Variants in CDKN2B-AS1 observed in about 807,000 individuals in gnomAD.
The protein encoded by CDKN2B-AS1 is CDKN2B antisense RNA 1 (non-protein coding).
intron 4 of CDKN2B-AS1, among the ~76,000 whole-genome samples, chr9:22,124,439 C>G (rs938199624): frequency 1.3e-5 from 2 of 152,154 alleles, no homozygotes; most frequent in Admixed American, 6.5e-5. Flanking sequence ...TGAGGCCAGA[C>G]AGGGCTGTGG....
At chr9:22,047,444 G>C (rs1162245387) in intron 2 of CDKN2B-AS1, among the ~76,000 whole-genome samples, 2 of 152,186 alleles carry the variant, frequency 1.3e-5, no homozygotes, top group African/African-American at 4.8e-5. Flanking sequence ...TTCACTACTA[G>C]TGGTAACTCC....
exon 5 of CDKN2B-AS1, among the ~76,000 whole-genome samples, chr9:22,127,234 A>C (rs1295827850): frequency 6.6e-6 from 1 of 152,122 alleles, no homozygotes; most frequent in Non-Finnish European, 1.5e-5. Flanking sequence ...GGCACCTGCC[A>C]CCACGCCCAG....
intron 1 of CDKN2B-AS1, among the ~76,000 whole-genome samples, chr9:22,035,673 G>A (rs1822658911): frequency 6.6e-6 from 1 of 152,252 alleles, no homozygotes; most frequent in East Asian, 1.9e-4. Flanking sequence ...TTTGTGAAAG[G>A]TCACTGGCTG....
At chr9:22,106,636 C>T (rs1825668203) in intron 4 of CDKN2B-AS1, among the ~76,000 whole-genome samples, 1 of 152,110 alleles carries the variant, frequency 6.6e-6, no homozygotes, top group African/African-American at 2.4e-5. Context: ...AAGGGACTGG[C>T]ACAAAGTAGG....
chr9:22,059,999 T>C (rs957113287), intron 4 of CDKN2B-AS1, among the ~76,000 whole-genome samples: 3 of 152,162 alleles, frequency 2.0e-5, no homozygotes, highest in African/African-American at 7.2e-5. Context: ...GTCCAGTCCA[T>C]GAAACCACTT....
chr9:22,014,165 T>C (rs1821637663), intron 1 of CDKN2B-AS1, among the ~76,000 whole-genome samples: 1 of 152,158 alleles, frequency 6.6e-6, no homozygotes, highest in African/African-American at 2.4e-5. Context: ...ATTATTTATT[T>C]ATTTATTTAT....
chr9:22,043,192 A>G (rs994192496), intron 1 of CDKN2B-AS1, among the ~76,000 whole-genome samples: 2 of 152,012 alleles, frequency 1.3e-5, no homozygotes, highest in South Asian at 4.1e-4. Context: ...AGATTTTTCC[A>G]ATGTTGTGAA....
intron 4 of CDKN2B-AS1, among the ~76,000 whole-genome samples, chr9:22,122,779 T>C (rs1435976562): frequency 1.3e-5 from 2 of 152,204 alleles, no homozygotes; most frequent in Admixed American, 1.3e-4. Flanking sequence ...ACCAGTACCA[T>C]GCTATTTTGT....
intron 4 of CDKN2B-AS1, among the ~76,000 whole-genome samples, chr9:22,102,383 C>G (rs890089575): frequency 2.0e-5 from 3 of 152,176 alleles, no homozygotes; most frequent in African/African-American, 7.2e-5. Flanking sequence ...CCATAACTAT[C>G]ACAAACTTGA....
intron 1 of CDKN2B-AS1, among the ~76,000 whole-genome samples, chr9:22,027,797 A>C (rs1240108270): frequency 1.3e-5 from 2 of 152,212 alleles, no homozygotes; most frequent in Non-Finnish European, 2.9e-5. Flanking sequence ...TTAATCACAC[A>C]ACAGAAATGT....
At position 22,036,757 on chromosome 9, in the gene CDKN2B-AS1, A is replaced by G. The variant is rs181801504; in HGVS notation, n.30-9994A>G. ...CCTTTGAGAACAATCTCTTGAAACAAGGCTAAAATGCCTTTGGAGAGGTAT... is the reference window on the plus strand; with the variant it reads ...CCTTTGAGAACAATCTCTTGAAACAGGGCTAAAATGCCTTTGGAGAGGTAT... On this transcript the variant is annotated intron_variant and non_coding_transcript_variant, in intron 1 of 4. Coordinates refer to ENST00000650946, the Ensembl canonical transcript of CDKN2B-AS1. 1.3e-3 allele frequency among the ~76,000 whole-genome samples: 200 copies of G among 152,246 alleles called. 1 individual carries two copies. Among genetic ancestry groups the G allele is most frequent in the African/African-American group, 4.5e-3 (187 of 41,560 alleles).
chr9:22,124,059 A>T (rs1023071383), intron 4 of CDKN2B-AS1, among the ~76,000 whole-genome samples: 1 of 151,504 alleles, frequency 6.6e-6, no homozygotes, highest in Non-Finnish European at 1.5e-5. Context: ...ACTGATGAAT[A>T]TTTGCCTTGT....
chr9:22,025,292 G>T (rs1587419492), intron 1 of CDKN2B-AS1, among the ~76,000 whole-genome samples: 1 of 152,188 alleles, frequency 6.6e-6, no homozygotes, highest in East Asian at 1.9e-4. Flanking sequence ...GTGGGAGATG[G>T]ACTGGCCTCC....
chr9:22,048,321 C>T (rs1180125021), intron 2 of CDKN2B-AS1, among the ~76,000 whole-genome samples: 2 of 152,104 alleles, frequency 1.3e-5, no homozygotes, highest in Non-Finnish European at 2.9e-5. Flanking sequence ...TTAAAGTGCT[C>T]ATACCAAACA....
At chr9:22,099,461 C>G (rs935909679) in intron 4 of CDKN2B-AS1, among the ~76,000 whole-genome samples, 2 of 152,124 alleles carry the variant, frequency 1.3e-5, no homozygotes, top group African/African-American at 4.8e-5. Flanking sequence ...GGAGACTGTT[C>G]TAATTACATA....
intron 4 of CDKN2B-AS1, among the ~76,000 whole-genome samples, chr9:22,124,355 A>T (rs1817983587): frequency 6.6e-6 from 1 of 152,182 alleles, no homozygotes; most frequent in South Asian, 2.1e-4. Flanking sequence ...AAGCTTCTAA[A>T]CTAACAAACA....
intron 4 of CDKN2B-AS1, chr9:22,058,786 G>T: frequency 6.1e-6 from 1 of 163,874 alleles, no homozygotes; most frequent in Admixed American, 6.4e-5. Context: ...CCCAAAATTG[G>T]GAACAAAAAG....
chr9:22,060,712 A>G lies in CDKN2B-AS1; in HGVS notation n.438+4325A>G, dbSNP rs115054956. Among the ~76,000 whole-genome samples, 609 of 152,334 alleles carry G rather than the reference A, an allele frequency of 4.0e-3. 7 individuals carry two copies. The highest frequency in any genetic ancestry group is 0.014 in the African/African-American group (569 of 41,566). On this transcript the variant is annotated intron_variant and non_coding_transcript_variant, in intron 4 of 4. Transcript: ENST00000650946. ...GACATACCTGAAACTAGGAACAAAAAGAGGTTTCATTGGACTTACAGTTAG... is the reference window on the plus strand; with the variant it reads ...GACATACCTGAAACTAGGAACAAAAGGAGGTTTCATTGGACTTACAGTTAG...
At chr9:22,018,597 C>G (rs1821883606) in intron 1 of CDKN2B-AS1, among the ~76,000 whole-genome samples, 1 of 152,188 alleles carries the variant, frequency 6.6e-6, no homozygotes, top group Non-Finnish European at 1.5e-5. Context: ...GCAGAGGTTG[C>G]CTGTGCACTC....
Sources: allele counts gnomAD v4.1 joint callset (sites outside exome capture counted in the v4.1 genomes callset), GRCh38; gene constraint gnomAD v4.1.1; transcripts MANE v1.5; gene names NCBI Gene and HGNC (gene_info 2026-07-23, HGNC 2026-07-21).